Variants in CDK14 observed in about 807,000 individuals in gnomAD.
CDK14 encodes cyclin-dependent kinase 14.
Under a neutral mutation model 60.7 loss-of-function variants are expected in CDK14, and 34 were observed. The ratio of observed to expected loss-of-function variants is 0.56; its 90% confidence interval spans 0.43 to 0.75. The LOEUF (loss-of-function observed/expected upper bound fraction) is 0.75, where lower values mean the gene tolerates loss of function less well. Ranked by LOEUF, CDK14 falls within the 30% of genes least tolerant of loss-of-function variation. The pLI is 0.00. For synonymous variants in CDK14, 197 were observed against 203.7 expected (o/e 0.97, Z 0.28); for missense variants, 482 against 564.1 (o/e 0.85, Z 1.47).
chr7:90,633,173 G>T (rs1800043980), intron 2 of CDK14, among the ~76,000 whole-genome samples: 2 of 151,710 alleles, frequency 1.3e-5, no homozygotes, highest in Admixed American at 6.6e-5. Flanking sequence ...CCAAATTAAT[G>T]AAAATGTGTT....
At chr7:90,802,541 C>T (rs1039504690) in intron 5 of CDK14, among the ~76,000 whole-genome samples, 12 of 152,098 alleles carry the variant, frequency 7.9e-5, no homozygotes, top group African/African-American at 2.7e-4. Flanking sequence ...AGAAAGTGGT[C>T]CAGGGCCTGG....
chr7:90,726,772 A>G lies in CDK14; in HGVS notation c.329A>G (p.Lys110Arg). ...CINFKTSSTG[K>R]ESPKVRRHSS... ...AACTTTAAGACCTCCTCCACTGGCA[A>G]AGAGTCACCTAAAGTTAGGCGGCAC... is the stretch of plus-strand genomic sequence containing the variant. The change falls in exon 3 of 15, where the codon AAA (lysine) becomes AGA (arginine). Residue 110 changes from lysine (K) to arginine (R), a missense_variant. By Grantham distance (26) the Lys-to-Arg change is conservative (BLOSUM62 2). Transcript: ENST00000380050. The G allele has an allele frequency of 6.2e-7, 1 of 1,613,726 alleles. No homozygotes were observed. Among genetic ancestry groups the G allele is most frequent in the Non-Finnish European group, 8.5e-7 (1 of 1,179,780 alleles).
chr7:90,736,787 C>G lies in CDK14; in HGVS notation c.369+9975C>G, dbSNP rs143036627. 1.2e-4 allele frequency among the ~76,000 whole-genome samples: 19 copies of G among 152,174 alleles called. No homozygotes were observed. In the East Asian group the frequency reaches 3.3e-3, roughly 26 times the overall value. On this transcript the variant is annotated intron_variant, in intron 3 of 14. Coordinates refer to ENST00000380050, the MANE Select transcript of CDK14 (RefSeq NM_001287135.2). ...TTTTTTGGAAATACTGTGGTAGAAA[C>G]TATTTTAAAATATCATGCCTTCCCA... is the stretch of plus-strand genomic sequence containing the variant.
chr7:91,060,782 T>C (rs963313176), intron 11 of CDK14, among the ~76,000 whole-genome samples: 1 of 152,246 alleles, frequency 6.6e-6, no homozygotes, highest in Non-Finnish European at 1.5e-5. Flanking sequence ...GTTAGTATGA[T>C]GGGCTTCCCT....
At chr7:91,201,529 G>GAA (rs61250789) in intron 14 of CDK14, among the ~76,000 whole-genome samples, 1 of 142,436 alleles carries the variant, frequency 7.0e-6, no homozygotes, top group African/African-American at 2.6e-5. Flanking sequence ...AATGCAGCAG[G>GAA]AAAAAAAAAA....
At chr7:90,791,197 G>T (rs1805815655) in intron 5 of CDK14, among the ~76,000 whole-genome samples, 1 of 151,988 alleles carries the variant, frequency 6.6e-6, no homozygotes, top group South Asian at 2.1e-4. Flanking sequence ...CTTTTATAAT[G>T]TAGTTATTTG....
chr7:91,119,647 T>C (rs1799720403), intron 14 of CDK14, among the ~76,000 whole-genome samples: 1 of 152,222 alleles, frequency 6.6e-6, no homozygotes, highest in African/African-American at 2.4e-5. Flanking sequence ...CACATTGTCT[T>C]GTGGGTAATC....
intron 14 of CDK14, among the ~76,000 whole-genome samples, chr7:91,176,002 A>G (rs1801736091): frequency 6.6e-6 from 1 of 152,210 alleles, no homozygotes; most frequent in African/African-American, 2.4e-5. Flanking sequence ...TCAACAGAAT[A>G]CACATTCTTT....
chr7:91,071,774 G>A (rs1039823912), intron 11 of CDK14, among the ~76,000 whole-genome samples: 26 of 152,302 alleles, frequency 1.7e-4, no homozygotes, highest in African/African-American at 5.5e-4. Context: ...CTCCCAGGGC[G>A]GGGTAAGGGC....
chr7:90,718,284 T>C (rs892083588), intron 2 of CDK14, among the ~76,000 whole-genome samples: 13 of 152,058 alleles, frequency 8.5e-5, no homozygotes, highest in African/African-American at 3.1e-4. Context: ...AAGAGAAGTG[T>C]ATACATGGTA....
chr7:90,777,449 A>G (rs1333654615), intron 4 of CDK14, among the ~76,000 whole-genome samples: 1 of 152,232 alleles, frequency 6.6e-6, no homozygotes, highest in Non-Finnish European at 1.5e-5. Context: ...TGGAACCTGA[A>G]GGTTTAACAC....
At chr7:90,711,041 T>C (rs879683636) in intron 2 of CDK14, among the ~76,000 whole-genome samples, 2 of 152,094 alleles carry the variant, frequency 1.3e-5, no homozygotes, top group Non-Finnish European at 2.9e-5. Context: ...TATAGTTTAA[T>C]TAACTTAGTA....
At chr7:90,660,031 G>A (rs1043782372) in intron 2 of CDK14, among the ~76,000 whole-genome samples, 37 of 152,200 alleles carry the variant, frequency 2.4e-4, no homozygotes, top group South Asian at 2.1e-4. Flanking sequence ...AAGTTAAATA[G>A]CATTTTCTGA....
chr7:90,827,573 C>T (rs138568473), intron 5 of CDK14, among the ~76,000 whole-genome samples: 2,658 of 152,238 alleles, frequency 0.017, 24 homozygotes, highest in Middle Eastern at 0.031. Context: ...AGATAGAACA[C>T]GGAGGGTTTA....
At chr7:91,157,699 T>G (rs2115724441) in intron 14 of CDK14, among the ~76,000 whole-genome samples, 1 of 152,252 alleles carries the variant, frequency 6.6e-6, no homozygotes, top group South Asian at 2.1e-4. Flanking sequence ...TGATGAGAAG[T>G]GACTGTAATG....
intron 8 of CDK14, among the ~76,000 whole-genome samples, chr7:90,918,939 T>G (rs1793163677): frequency 6.6e-6 from 1 of 152,196 alleles, no homozygotes; most frequent in South Asian, 2.1e-4. Context: ...TTTCCTACTT[T>G]GATAAAAATG....
intron 14 of CDK14, among the ~76,000 whole-genome samples, chr7:91,181,778 G>C (rs897837313): frequency 3.9e-5 from 6 of 152,000 alleles, no homozygotes; most frequent in African/African-American, 1.4e-4. Flanking sequence ...GACCCCTTTT[G>C]ACCAGACCCT....
At chr7:90,912,284 T>C (rs1275606574) in intron 7 of CDK14, among the ~76,000 whole-genome samples, 1 of 152,204 alleles carries the variant, frequency 6.6e-6, no homozygotes, top group Admixed American at 6.5e-5. Flanking sequence ...TTCTAAGATT[T>C]TGAATGGCAA....
chr7:90,808,352 A>G (rs1429917694), intron 5 of CDK14, among the ~76,000 whole-genome samples: 1 of 152,234 alleles, frequency 6.6e-6, no homozygotes, highest in Non-Finnish European at 1.5e-5. Flanking sequence ...AGAGTTTCAT[A>G]TCCAGACAAA....
Sources: allele counts gnomAD v4.1 joint callset (sites outside exome capture counted in the v4.1 genomes callset), GRCh38; gene constraint gnomAD v4.1.1; transcripts MANE v1.5; gene names NCBI Gene and HGNC (gene_info 2026-07-23, HGNC 2026-07-21).